DHX16: variants seen among roughly 807,000 people sequenced by gnomAD.
DHX16 encodes the protein DEAH-box helicase 16, also known as pre-mRNA-splicing factor ATP-dependent RNA helicase DHX16.
DHX16 carries 81 observed loss-of-function variants against 131.2 expected under a neutral mutation model. That is an observed-to-expected ratio of 0.62 (90% CI 0.52 to 0.74). DHX16 has a LOEUF of 0.74. Among genes scored for constraint, DHX16 ranks in the 30% least tolerant of loss-of-function variants. The pLI is 0.00. For missense variants in DHX16, 980 were observed against 1,363.1 expected (o/e 0.72, Z 4.43); for synonymous variants, 440 against 520.2 (o/e 0.85, Z 2.10).
rs1399615562 is a variant in DHX16, at chr6:30,665,033, C to G, written c.1125+38G>C. 3.7e-6 allele frequency: 6 copies of G among 1,613,610 alleles called. No homozygotes were observed. In the South Asian group the frequency reaches 4.4e-5, roughly 12 times the overall value. ...GAGGTGTGAGCTAAATAGCTCGCTA[C>G]GGGTCTTCCTCAGAAAGTCTCCCAG... On this transcript the variant is annotated intron_variant, in intron 6 of 19. Coordinates refer to ENST00000376442, the MANE Select transcript of DHX16 (RefSeq NM_003587.5). The surrounding 1 kb of genome is among the most constrained non-coding windows in gnomAD (Gnocchi z 4.8).
At chr6:30,671,364 A>G in intron 1 of DHX16, 90 bp from the exon 2 acceptor site, 1 of 1,273,948 alleles carries the variant, frequency 7.8e-7, no homozygotes, top group Non-Finnish European at 1.1e-6. Context: ...GCAATTACTT[A>G]GTCTTTCCTG....
chr6:30,670,599 T>G lies in DHX16; in HGVS notation c.610-133A>C. On this transcript the variant is annotated intron_variant, in intron 3 of 19. Coordinates refer to ENST00000376442, the MANE Select transcript of DHX16 (RefSeq NM_003587.5). The surrounding 1 kb of genome is among the most constrained non-coding windows in gnomAD (Gnocchi z 4.4). ...AAATGTCCCCTCTCAGTGAGGAATC[T>G]CTCTGATTGCAGGTACAGCAGACAG... The G allele has an allele frequency of 8.2e-7, 1 of 1,219,066 alleles. No individual in the cohort carries two copies. The highest frequency in any genetic ancestry group is 2.5e-5 in the East Asian group (1 of 40,014). 75.5% of individuals were successfully genotyped at this position (1,219,066 alleles called of 1,614,324 possible). A position where few individuals can be genotyped will look rare whatever the true frequency, so the allele number is the denominator to read the frequency against.
At position 30,663,590 on chromosome 6, in the gene DHX16, G is replaced by A. The variant is rs569789705; in HGVS notation, c.1318-569C>T. Among the ~76,000 whole-genome samples the A allele has an allele frequency of 1.4e-4, 21 of 151,790 alleles. No homozygotes were observed. In the South Asian group the frequency reaches 3.3e-3, roughly 24 times the overall value. ...CAAAAAATTAGCCGAGCATGGTGGT[G>A]CATGCCTGTATTTCCAGCTACTTGG... On this transcript the variant is annotated intron_variant, in intron 7 of 19. Coordinates refer to ENST00000376442, the MANE Select transcript of DHX16 (RefSeq NM_003587.5).
chr6:30,655,900 C>CT (rs1767936362), intron 16 of DHX16, among the ~76,000 whole-genome samples: 1 of 152,174 alleles, frequency 6.6e-6, no homozygotes. Context: ...GAAAAGATCT[C>CT]TGACAGCAGA....
chr6:30,653,509 G>A, intron 19 of DHX16, 139 bp from the exon 20 acceptor site: 1 of 935,264 alleles, frequency 1.1e-6, no homozygotes, highest in Non-Finnish European at 1.5e-6. Flanking sequence ...ATGGCTCAAA[G>A]CAGTCCTACT....
intron 1 of DHX16, among the ~76,000 whole-genome samples, chr6:30,672,324 C>CAA (rs575043757): frequency 0.011 from 1,250 of 113,792 alleles, 18 homozygotes; most frequent in African/African-American, 0.035. Context: ...CTGTGTCTCT[C>CAA]AAAAAAAAAA....
rs551609141 is a variant in DHX16 at position 30,654,239 on chromosome 6, T to C, written c.2997+467A>G. Among the ~76,000 whole-genome samples the C allele has an allele frequency of 2.6e-5, 4 of 152,194 alleles. 1 individual carries two copies. The highest frequency in any genetic ancestry group is 9.6e-5 in the African/African-American group (4 of 41,532). ...TATTTATTGAATAAGTGTCTAGTTC[T>C]CAGATCTTGGAAGATGCTGACACAC... On this transcript the variant is annotated intron_variant, in intron 19 of 19. Transcript: ENST00000376442.
Position 30,655,455 on chromosome 6 carries a change from G to C in DHX16, c.2641C>G (p.Leu881Val). Residue 881 changes from leucine (L) to valine (V), a missense_variant, in exon 17 of 20, where the codon CTG becomes GTG. Leu to Val is a conservative substitution (Grantham distance 32). Around this residue, in one of 3 missense-constraint regions of DHX16, gnomAD observed 214 missense variants for 271.2 expected, o/e 0.79. Coordinates refer to ENST00000376442, the MANE Select transcript of DHX16 (RefSeq NM_003587.5). ...FFLPGGDHLV[L>V]LNVYTQWAES... ...GTGACCTGTGTGTAAACATTTAGCA[G>C]AACCAGGTGGTCACCGCCAGGGAGA... The C allele has an allele frequency of 1.9e-6, 3 of 1,613,688 alleles. No individual in the cohort carries two copies. Among genetic ancestry groups the C allele is most frequent in the Non-Finnish European group, 2.5e-6 (3 of 1,180,030 alleles).
In DHX16 at chr6:30,670,929, TTC is replaced by T. The variant is rs540024165; in HGVS notation, c.468_469del (p.Lys157AlafsTer6). ...TTCCCACTCATCTTCCGACTCTGGC[TTC>T]TCTGTCTGCTGTTTACTCCCCCTGC... is the stretch of plus-strand genomic sequence containing the variant. On this transcript the variant is annotated frameshift_variant, in exon 3 of 20. Transcript: ENST00000376442. LOFTEE classifies it high-confidence loss of function. The surrounding 1 kb of genome is among the most constrained non-coding windows in gnomAD (Gnocchi z 4.4). The T allele has an allele frequency of 4.3e-6, 7 of 1,612,972 alleles. No homozygotes were observed. Among genetic ancestry groups the T allele is most frequent in the Non-Finnish European group, 5.9e-6 (7 of 1,180,046 alleles).
intron 4 of DHX16, among the ~76,000 whole-genome samples, chr6:30,667,265 G>A (rs997794119): frequency 1.3e-5 from 2 of 152,074 alleles, no homozygotes; most frequent in African/African-American, 2.4e-5. Flanking sequence ...GCCAATACAC[G>A]TAACAGGAAT....
At chr6:30,666,934 A>G (rs1769096110) in intron 4 of DHX16, among the ~76,000 whole-genome samples, 1 of 152,212 alleles carries the variant, frequency 6.6e-6, no homozygotes, top group Non-Finnish European at 1.5e-5. Flanking sequence ...TCTGGGTACC[A>G]CAGTCAAATA....
rs1222813422 is a variant in DHX16, at chr6:30,670,257, C to G, written c.666+153G>C. Among the ~76,000 whole-genome samples the G allele has an allele frequency of 6.6e-6, 1 of 152,194 alleles. No homozygotes were observed. The highest frequency in any genetic ancestry group is 1.5e-5 in the Non-Finnish European group (1 of 68,036). Reference sequence around the variant, plus strand: ...CTCAACAACATAAGTCTATCCTCAGCTGGCTCCTAACAACCAAGCCCCTCT... The same window carrying G: ...CTCAACAACATAAGTCTATCCTCAGGTGGCTCCTAACAACCAAGCCCCTCT... On this transcript the variant is annotated intron_variant, in intron 4 of 19. Coordinates refer to ENST00000376442, the MANE Select transcript of DHX16 (RefSeq NM_003587.5). The surrounding 1 kb of genome is among the most constrained non-coding windows in gnomAD (Gnocchi z 4.4).
rs369536995 is a variant in DHX16 at position 30,672,852 on chromosome 6, G to A, written c.-11C>T. The A allele has an allele frequency of 3.1e-6, 5 of 1,611,584 alleles. No homozygotes were observed. The highest frequency in any genetic ancestry group is 1.7e-5 in the Admixed American group (1 of 59,920). On this transcript the variant is annotated 5_prime_UTR_variant, in exon 1 of 20. Transcript: ENST00000376442. Reference sequence around the variant, plus strand: ...CGCCGGCGTCGCCATGGCGACTCACGCTCCCTGCTCCCGGCCCTGAAGCGT... The same window carrying A: ...CGCCGGCGTCGCCATGGCGACTCACACTCCCTGCTCCCGGCCCTGAAGCGT...
chr6:30,656,060 A>T lies in DHX16; in HGVS notation c.2498+138T>A, dbSNP rs1369869202. On this transcript the variant is annotated intron_variant, in intron 16 of 19. Transcript: ENST00000376442. This position sits in a 1 kb window ranked among gnomAD's most constrained non-coding sequence, Gnocchi z 5.1. ...ACCCTTGTGGGCCTCAAAAGGGGGC[A>T]ATCAGAGTTATCTAATACTTTATTA... is the stretch of plus-strand genomic sequence containing the variant. The T allele has an allele frequency of 3.5e-6, 3 of 851,254 alleles. No homozygotes were observed. The highest frequency in any genetic ancestry group is 5.6e-6 in the Non-Finnish European group (3 of 534,436). 52.7% of individuals were successfully genotyped at this position (851,254 alleles called of 1,614,324 possible).
chr6:30,658,174 G>A (rs888277716), intron 12 of DHX16, among the ~76,000 whole-genome samples: 1 of 152,220 alleles, frequency 6.6e-6, no homozygotes, highest in Non-Finnish European at 1.5e-5. Context: ...AGAGGCCAAG[G>A]CAGGCGGATC....
chr6:30,671,800 A>G (rs1403776295), intron 1 of DHX16, among the ~76,000 whole-genome samples: 2 of 151,688 alleles, frequency 1.3e-5, no homozygotes, highest in Non-Finnish European at 2.9e-5. Flanking sequence ...CTCCCACCTC[A>G]GGCTCCTAAG....
intron 4 of DHX16, among the ~76,000 whole-genome samples, chr6:30,666,713 C>T (rs528600842): frequency 6.6e-6 from 1 of 152,146 alleles, no homozygotes; most frequent in Admixed American, 6.6e-5. Flanking sequence ...GAGGCTGAGG[C>T]AGGAGAATCA....
chr6:30,663,322 C>T (rs1768694781), intron 7 of DHX16, among the ~76,000 whole-genome samples: 1 of 152,176 alleles, frequency 6.6e-6, no homozygotes, highest in South Asian at 2.1e-4. Flanking sequence ...GGCACAGTGG[C>T]TCATGCCTGT....
chr6:30,661,795 C>G (rs1768539557), intron 9 of DHX16: 1 of 717,832 alleles, frequency 1.4e-6, no homozygotes, highest in Non-Finnish European at 2.6e-6. Context: ...TTCCACAAAG[C>G]AGGCTGGCTC....
Sources: allele counts gnomAD v4.1 joint callset (sites outside exome capture counted in the v4.1 genomes callset), GRCh38; gene constraint gnomAD v4.1.1; regional missense constraint gnomAD v4.1.1; non-coding constraint Gnocchi (gnomAD v3.1); transcripts MANE v1.5; gene names NCBI Gene and HGNC (gene_info 2026-07-23, HGNC 2026-07-21).